The following PAX5 variants were observed in gnomAD, a reference collection of about 807,000 sequenced individuals.
PAX5 encodes paired box protein Pax-5.
Under a neutral mutation model 43.7 loss-of-function variants are expected in PAX5, and 9 were observed. The ratio of observed to expected loss-of-function variants is 0.21; its 90% CI spans 0.12 to 0.36. The LOEUF (loss-of-function observed/expected upper bound fraction) is 0.36. PAX5 is among the 10% of genes least tolerant of loss of function. The pLI is 1.00. For missense variants in PAX5, 383 were observed against 532.7 expected (o/e 0.72, Z 2.77); for synonymous variants, 228 against 214.3 (o/e 1.06, Z -0.56).
At chr9:36,940,454 G>A (rs942108814) in intron 6 of PAX5, among the ~76,000 whole-genome samples, 1 of 152,174 alleles carries the variant, frequency 6.6e-6, no homozygotes, top group Non-Finnish European at 1.5e-5. Context: ...TATTTCAGCA[G>A]GAAATGGGCA....
chr9:36,950,657 G>A (rs189221495), intron 6 of PAX5, among the ~76,000 whole-genome samples: 2 of 151,944 alleles, frequency 1.3e-5, no homozygotes, highest in Non-Finnish European at 2.9e-5. Context: ...TTGGAACTAC[G>A]AAGAAGTCTG....
chr9:36,979,147 T>C (rs1835701068), intron 5 of PAX5, among the ~76,000 whole-genome samples: 1 of 152,254 alleles, frequency 6.6e-6, no homozygotes, highest in Non-Finnish European at 1.5e-5. Context: ...CTGTTAGATG[T>C]ACTCGGACTG....
At chr9:36,911,540 G>A in intron 7 of PAX5, among the ~76,000 whole-genome samples, 1 of 152,352 alleles carries the variant, frequency 6.6e-6, no homozygotes, top group East Asian at 1.9e-4. Flanking sequence ...CAGTTGCAGG[G>A]TATCATCCTG....
intron 7 of PAX5, among the ~76,000 whole-genome samples, chr9:36,891,552 GGGGGAATATTTCACCCGGA>G (rs1188843155): frequency 4.6e-5 from 7 of 152,224 alleles, no homozygotes; most frequent in Non-Finnish European, 2.9e-5. Context: ...TAGATGCAGA[GGGGGAATATTTCACCCGGA>G]GGGGAAGGGC....
chr9:37,022,960 G>A (rs874411), intron 1 of PAX5, among the ~76,000 whole-genome samples: 1 of 152,008 alleles, frequency 6.6e-6, no homozygotes, highest in Admixed American at 6.5e-5. Flanking sequence ...CTCTTAGAGG[G>A]TGGTGGTGAG....
intron 8 of PAX5, among the ~76,000 whole-genome samples, chr9:36,870,053 TGG>T (rs1405728353): frequency 9.6e-5 from 7 of 73,014 alleles, no homozygotes; most frequent in South Asian, 6.8e-4. Flanking sequence ...GATGGATGGA[TGG>T]ATAAATGGAT....
At chr9:36,872,087 C>T (rs1825544852) in intron 8 of PAX5, among the ~76,000 whole-genome samples, 1 of 152,204 alleles carries the variant, frequency 6.6e-6, no homozygotes, top group African/African-American at 2.4e-5. Context: ...GTCTGGGAGC[C>T]CTCCTCCCAG....
At chr9:37,014,784 C>G (rs1376443326) in intron 3 of PAX5, among the ~76,000 whole-genome samples, 2 of 152,080 alleles carry the variant, frequency 1.3e-5, no homozygotes, top group African/African-American at 4.8e-5. Context: ...GGCATGCTCC[C>G]CTCTCCCTGG....
At chr9:36,977,679 C>T (rs913087526) in intron 5 of PAX5, among the ~76,000 whole-genome samples, 4 of 152,134 alleles carry the variant, frequency 2.6e-5, no homozygotes, top group South Asian at 4.2e-4. Flanking sequence ...TACAGGTATG[C>T]ACCACCACAC....
At chr9:37,033,141 C>G (rs1304214633) in intron 1 of PAX5, among the ~76,000 whole-genome samples, 1 of 152,252 alleles carries the variant, frequency 6.6e-6, no homozygotes, top group African/African-American at 2.4e-5. Flanking sequence ...GTTGTGCCTG[C>G]CACAGGAGAC....
intron 7 of PAX5, among the ~76,000 whole-genome samples, chr9:36,893,831 A>G (rs970651841): frequency 2.0e-5 from 3 of 152,232 alleles, no homozygotes; most frequent in Admixed American, 2.0e-4. Context: ...CTGGTTCCCA[A>G]AGATGAACCT....
chr9:36,913,822 G>C (rs1177818519), intron 7 of PAX5, among the ~76,000 whole-genome samples: 2 of 152,152 alleles, frequency 1.3e-5, no homozygotes, highest in African/African-American at 4.8e-5. Flanking sequence ...CATCCAGCTG[G>C]GCACCTACAG....
At chr9:36,979,656 C>A (rs1835742943) in intron 5 of PAX5, among the ~76,000 whole-genome samples, 1 of 152,142 alleles carries the variant, frequency 6.6e-6, no homozygotes, top group Non-Finnish European at 1.5e-5. Context: ...CCCAGGGTCA[C>A]ACAGCAGAGT....
intron 6 of PAX5, among the ~76,000 whole-genome samples, chr9:36,945,517 A>T (rs1369370810): frequency 6.6e-6 from 1 of 152,250 alleles, no homozygotes; most frequent in African/African-American, 2.4e-5. Context: ...CTGGGATGAC[A>T]GGTGTAAGCC....
chr9:36,958,100 C>T (rs1350384842), intron 6 of PAX5, among the ~76,000 whole-genome samples: 1 of 152,184 alleles, frequency 6.6e-6, no homozygotes. Flanking sequence ...AAGCTGCTTT[C>T]TTGAGCCTCA....
chr9:36,900,960 G>A (rs949191627), intron 7 of PAX5, among the ~76,000 whole-genome samples: 10 of 152,102 alleles, frequency 6.6e-5, no homozygotes, highest in African/African-American at 2.4e-4. Context: ...CCGCCCACCT[G>A]TTCCTCACAA....
chr9:36,846,914 C>G lies in PAX5; in HGVS notation c.1028G>C (p.Gly343Ala), dbSNP rs2131591872. The change falls in exon 9 of 10, where the codon GGG becomes GCG. Residue 343 changes from glycine (G) to alanine (A), a missense_variant. Gly to Ala is a moderately conservative substitution (Grantham distance 60). Transcript: ENST00000358127. ...ATACTGAGGGTGGCTGTAGGGACTC[C>G]CGGAAAACTCACTCCCTGTGTATGG... ...TGMVPGSEFS[G>A]SPYSHPQYSS... 6.2e-7 allele frequency: 1 copy of G among 1,613,434 alleles called. No homozygotes were observed. Among genetic ancestry groups the G allele is most frequent in the Non-Finnish European group, 8.5e-7 (1 of 1,179,370 alleles).
intron 4 of PAX5, among the ~76,000 whole-genome samples, chr9:37,004,109 TTTAC>T (rs1307625363): frequency 6.6e-5 from 10 of 152,224 alleles, no homozygotes; most frequent in Admixed American, 3.9e-4. Flanking sequence ...TAGCCTTGGG[TTTAC>T]TTACTTAAAG....
At chr9:36,957,552 G>C (rs1833595030) in intron 6 of PAX5, among the ~76,000 whole-genome samples, 1 of 152,156 alleles carries the variant, frequency 6.6e-6, no homozygotes, top group Non-Finnish European at 1.5e-5. Context: ...CAAAAGCAGA[G>C]CCTTACAAAT....
Sources: gnomAD v4.1 joint callset for allele counts (sites outside exome capture counted in the v4.1 genomes callset) on GRCh38, gnomAD v4.1.1 for gene constraint, MANE v1.5 for transcripts, NCBI Gene and HGNC (gene_info 2026-07-23, HGNC 2026-07-21) for gene names.